Variants in METAP1D observed in about 807,000 individuals in gnomAD.
The protein encoded by METAP1D is methionyl aminopeptidase type 1D, mitochondrial, also known as methionine aminopeptidase 1D, mitochondrial.
In METAP1D, 31 loss-of-function variants were observed where a neutral mutation model predicts 40.5. That is an observed-to-expected ratio of 0.77 (90% CI 0.58 to 1.03). The LOEUF is 1.03. Ranked by LOEUF, METAP1D falls within the 50% of genes least tolerant of loss-of-function variation. The pLI is 0.00. For synonymous variants in METAP1D, 151 were observed against 146.4 expected, an observed-to-expected ratio of 1.03 and a Z score of -0.22; for missense variants, 411 against 420.7, an observed-to-expected ratio of 0.98 and a Z score of 0.20.
intron 1 of METAP1D, among the ~76,000 whole-genome samples, chr2:172,013,373 TCTTGA>T (rs373360058): frequency 3.3e-5 from 5 of 152,204 alleles, no homozygotes; most frequent in Non-Finnish European, 4.4e-5. Flanking sequence ...TTGGCAGATT[TCTTGA>T]CTTAACAGTT....
At chr2:172,038,480 C>A (rs922074709) in intron 1 of METAP1D, among the ~76,000 whole-genome samples, 5 of 152,158 alleles carry the variant, frequency 3.3e-5, no homozygotes, top group South Asian at 2.1e-4. Flanking sequence ...AAAAACATCT[C>A]AGTAAGATAG....
intron 1 of METAP1D, among the ~76,000 whole-genome samples, chr2:172,002,001 T>C (rs1688475807): frequency 2.1e-5 from 2 of 95,846 alleles, no homozygotes; most frequent in Non-Finnish European, 4.9e-5. Flanking sequence ...GAGGTGGAGG[T>C]GGGAGGGATC....
chr2:172,006,655 C>T (rs1396007130), intron 1 of METAP1D, among the ~76,000 whole-genome samples: 2 of 152,126 alleles, frequency 1.3e-5, no homozygotes, highest in South Asian at 2.1e-4. Flanking sequence ...CTTGTTTTTA[C>T]GGAGACTGAA....
intron 1 of METAP1D, among the ~76,000 whole-genome samples, chr2:172,026,762 T>C (rs1689128409): frequency 6.6e-6 from 1 of 152,188 alleles, no homozygotes; most frequent in Non-Finnish European, 1.5e-5. Flanking sequence ...GAACAGAAAG[T>C]TGAGGGCTCT....
intron 1 of METAP1D, among the ~76,000 whole-genome samples, chr2:172,016,554 G>T (rs1281369835): frequency 6.6e-6 from 1 of 151,602 alleles, no homozygotes; most frequent in Non-Finnish European, 1.5e-5. Flanking sequence ...TGGGGAGGTG[G>T]AGGTTGCAGT....
chr2:172,068,131 C>G (rs1356871268), intron 5 of METAP1D, among the ~76,000 whole-genome samples: 1 of 152,194 alleles, frequency 6.6e-6, no homozygotes, highest in Non-Finnish European at 1.5e-5. Context: ...TGCCTGAAAT[C>G]CCAGCACTTT....
chr2:172,017,032 G>A (rs1558995536), intron 1 of METAP1D, among the ~76,000 whole-genome samples: 1 of 152,030 alleles, frequency 6.6e-6, no homozygotes, highest in South Asian at 2.1e-4. Flanking sequence ...TGTGGTCTAT[G>A]CTTCTTTGTA....
At chr2:172,020,324 T>G (rs778768096) in intron 1 of METAP1D, among the ~76,000 whole-genome samples, 11 of 152,172 alleles carry the variant, frequency 7.2e-5, no homozygotes, top group Admixed American at 1.3e-4. Flanking sequence ...CTACTTCAAC[T>G]CTGAAATATC....
At chr2:172,017,322 C>CATATATATGTGT (rs1210185175) in intron 1 of METAP1D, among the ~76,000 whole-genome samples, 1 of 148,966 alleles carries the variant, frequency 6.7e-6, no homozygotes, top group Non-Finnish European at 1.5e-5. Context: ...ACAAGACAGA[C>CATATATATGTGT]ATATATATGT....
rs760460702 is a variant in METAP1D at position 172,063,744 on chromosome 2, A to C, written c.232A>C (p.Ile78Leu). Residue 78 changes from isoleucine (I) to leucine (L), a missense_variant, in exon 3 of 10, where the codon ATT becomes CTT. Ile to Leu is a conservative substitution (Grantham distance 5). Transcript: ENST00000315796. ...IKKPDYVTTG[I>L]VPDWGDSIEV... ...GAAGCCAGACTATGTGACGACAGGC[A>C]TTGTACCAGACTGGGGAGACAGCAT... is the stretch of plus-strand genomic sequence containing the variant. The C allele has an allele frequency of 2.3e-5, 37 of 1,613,924 alleles. 1 individual carries two copies. The highest frequency in any genetic ancestry group is 3.1e-5 in the Non-Finnish European group (36 of 1,179,966).
At chr2:172,040,588 G>C (rs766470839) in intron 1 of METAP1D, among the ~76,000 whole-genome samples, 3 of 152,082 alleles carry the variant, frequency 2.0e-5, no homozygotes, top group Non-Finnish European at 4.4e-5. Context: ...AATACACAGC[G>C]TTTTAGGAAC....
chr2:172,076,170 CG>C (rs1010281589), intron 6 of METAP1D, among the ~76,000 whole-genome samples: 79 of 150,200 alleles, frequency 5.3e-4, no homozygotes, highest in African/African-American at 1.7e-3. Context: ...GCCAATCAGC[CG>C]GATCCTCTAA....
At chr2:172,058,228 G>A (rs541210363) in intron 1 of METAP1D, among the ~76,000 whole-genome samples, 39 of 152,228 alleles carry the variant, frequency 2.6e-4, no homozygotes, top group African/African-American at 2.2e-4. Flanking sequence ...CTCCCAAAGC[G>A]CTGGGATTAC....
chr2:172,050,577 A>G (rs567149133), intron 1 of METAP1D, among the ~76,000 whole-genome samples: 1 of 152,172 alleles, frequency 6.6e-6, no homozygotes. Flanking sequence ...TTCTTTAACC[A>G]AAGTGTGTGA....
At chr2:172,059,420 A>C (rs1447916517) in intron 1 of METAP1D, among the ~76,000 whole-genome samples, 1 of 152,122 alleles carries the variant, frequency 6.6e-6, no homozygotes, top group Non-Finnish European at 1.5e-5. Flanking sequence ...GGATTCAGCA[A>C]ATGTCTCCTG....
intron 1 of METAP1D, among the ~76,000 whole-genome samples, chr2:172,035,500 C>T (rs1689356960): frequency 1.3e-5 from 2 of 152,066 alleles, no homozygotes; most frequent in South Asian, 2.1e-4. Context: ...AGAATATCAC[C>T]AGCACCTCAG....
chr2:172,063,923 C>G, intron 3 of METAP1D, 63 bp downstream of exon 3: 3 of 1,475,676 alleles, frequency 2.0e-6, no homozygotes, highest in Middle Eastern at 1.8e-4. Context: ...CTCTTTTTTT[C>G]CTTCTCCTTA....
At chr2:172,029,491 GCACATTTTA>G (rs1344354525) in intron 1 of METAP1D, among the ~76,000 whole-genome samples, 1 of 152,104 alleles carries the variant, frequency 6.6e-6, no homozygotes, top group Non-Finnish European at 1.5e-5. Flanking sequence ...AAAATCCCCA[GCACATTTTA>G]GTTCTTGCCC....
chr2:172,064,704 G>C (rs1690211180), intron 3 of METAP1D, among the ~76,000 whole-genome samples: 1 of 151,226 alleles, frequency 6.6e-6, no homozygotes, highest in South Asian at 2.1e-4. Context: ...GATTATAAAA[G>C]AAAAATATGA....
Sources: allele counts gnomAD v4.1 joint callset (sites outside exome capture counted in the v4.1 genomes callset), GRCh38; gene constraint gnomAD v4.1.1; transcripts MANE v1.5; gene names NCBI Gene and HGNC (gene_info 2026-07-23, HGNC 2026-07-21).